Variants in MME observed in about 807,000 individuals in gnomAD.
MME encodes the protein neprilysin.
A neutral mutation model predicts 113.2 loss-of-function variants in MME; 98 were observed. The observed-to-expected ratio is 0.87, with a 90% confidence interval of 0.74 to 1.02. The LOEUF (loss-of-function observed/expected upper bound fraction) is 1.02, where lower values mean the gene tolerates loss of function less well. Among genes scored for constraint, MME ranks in the 50% least tolerant of loss-of-function variants. MME has a pLI of 0.00. For missense variants in MME, 836 were observed against 896.0 expected (o/e 0.93, Z 0.86); for synonymous variants, 292 against 300.6 (o/e 0.97, Z 0.30).
chr3:155,103,284 C>T (rs976650889), intron 3 of MME, among the ~76,000 whole-genome samples: 3 of 152,204 alleles, frequency 2.0e-5, no homozygotes, highest in East Asian at 1.9e-4. Context: ...CTTGAAGTCA[C>T]AAAACTATTG....
chr3:155,126,478 C>G (rs934697424), intron 8 of MME, among the ~76,000 whole-genome samples: 1 of 151,750 alleles, frequency 6.6e-6, no homozygotes, highest in Non-Finnish European at 1.5e-5. Context: ...TAATCTCAAA[C>G]AGGTCACAAA....
At chr3:155,034,238 G>A (rs1165449330) in intron 1 of MME, among the ~76,000 whole-genome samples, 1 of 152,138 alleles carries the variant, frequency 6.6e-6, no homozygotes. Context: ...ATTTGGGTGG[G>A]TGTGTTCTCT....
chr3:155,089,593 G>T (rs1576708963), intron 3 of MME, among the ~76,000 whole-genome samples: 4 of 152,168 alleles, frequency 2.6e-5, no homozygotes, highest in Admixed American at 2.0e-4. Flanking sequence ...GGTACCACTG[G>T]TTTAAACGGT....
chr3:155,167,785 T>G (rs567357201), intron 18 of MME, among the ~76,000 whole-genome samples: 2 of 152,286 alleles, frequency 1.3e-5, no homozygotes, highest in African/African-American at 4.8e-5. Flanking sequence ...TCTAATACTG[T>G]TTCTGTTTTC....
At chr3:155,053,920 T>G (rs1356836862) in intron 1 of MME, among the ~76,000 whole-genome samples, 1 of 152,212 alleles carries the variant, frequency 6.6e-6, no homozygotes, top group African/African-American at 2.4e-5. Context: ...CTGCCAATTT[T>G]TGCACTTGCT....
rs1159626877 is a variant in MME at position 155,042,900 on chromosome 3, T to TTATATA, written c.-11+18610_-11+18615dup. Among the ~76,000 whole-genome samples, 352 of 62,838 alleles carry TTATATA rather than the reference T, an allele frequency of 5.6e-3. 2 individuals carry two copies. Among genetic ancestry groups the TTATATA allele is most frequent in the East Asian group, 9.1e-3 (13 of 1,424 alleles). The allele number at this position is 62,838 out of a possible 152,430, so 41.2% of individuals were successfully genotyped here. ...TTAGAAAAATTACCAATAGTAGGTT[T>TTATATA]TATATATATATATATATATATATAT... On this transcript the variant is annotated intron_variant, in intron 1 of 22. Coordinates refer to the MME transcript ENST00000492661.
At chr3:155,158,014 A>G (rs1722438432) in intron 16 of MME, among the ~76,000 whole-genome samples, 1 of 152,164 alleles carries the variant, frequency 6.6e-6, no homozygotes, top group Admixed American at 6.6e-5. Flanking sequence ...AAAAGGTATG[A>G]CATTTATTTT....
chr3:155,096,890 T>A (rs1436586071), intron 3 of MME, among the ~76,000 whole-genome samples: 1 of 152,158 alleles, frequency 6.6e-6, no homozygotes, highest in South Asian at 2.1e-4. Flanking sequence ...CGTTAAGTTT[T>A]GTAATTTTCT....
chr3:155,144,169 C>T (rs1269783204), intron 13 of MME, among the ~76,000 whole-genome samples, 190 bp from the exon 14 acceptor site: 1 of 151,946 alleles, frequency 6.6e-6, no homozygotes, highest in Admixed American at 6.6e-5. Flanking sequence ...TCAAGAGTGT[C>T]GATAATAGCA....
intron 13 of MME, 82 bp downstream of exon 13, chr3:155,143,653 A>C: frequency 3.1e-5 from 47 of 1,508,584 alleles, no homozygotes; most frequent in African/African-American, 4.1e-5. Flanking sequence ...ACAGTTCTCC[A>C]TCATTTGGCT....
intron 14 of MME, 46 bp from the exon 15 acceptor site, chr3:155,147,098 G>T: frequency 8.0e-7 from 1 of 1,253,268 alleles, no homozygotes; most frequent in South Asian, 1.2e-5. Context: ...ATTTGTATCT[G>T]AAAGTTATAT....
intron 3 of MME, chr3:155,090,096 A>C: frequency 4.9e-6 from 1 of 205,078 alleles, no homozygotes; most frequent in Non-Finnish European, 1.1e-5. Context: ...AAGTGGGACC[A>C]CCTCCACCTG....
intron 15 of MME, among the ~76,000 whole-genome samples, chr3:155,147,566 C>T (rs1721613666): frequency 6.6e-6 from 1 of 152,134 alleles, no homozygotes; most frequent in African/African-American, 2.4e-5. Flanking sequence ...CTTCGAGTTT[C>T]CCTCCACCTT....
chr3:155,133,594 G>T (rs760102600), intron 8 of MME, among the ~76,000 whole-genome samples: 1 of 147,900 alleles, frequency 6.8e-6, no homozygotes, highest in African/African-American at 2.5e-5. Context: ...TCAACAAAAA[G>T]CATCCCATAT....
chr3:155,151,262 A>G (rs980517328), intron 16 of MME, among the ~76,000 whole-genome samples: 2 of 152,188 alleles, frequency 1.3e-5, no homozygotes, highest in African/African-American at 4.8e-5. Context: ...CAAAGTCTTG[A>G]AAGAGAAATA....
intron 3 of MME, among the ~76,000 whole-genome samples, chr3:155,104,090 A>G (rs573106446): frequency 3.3e-5 from 5 of 152,330 alleles, no homozygotes; most frequent in African/African-American, 1.2e-4. Flanking sequence ...CACGTGCATT[A>G]TAAAAGAAAT....
chr3:155,092,759 A>G (rs1017459113), intron 3 of MME, among the ~76,000 whole-genome samples: 8 of 152,224 alleles, frequency 5.3e-5, no homozygotes, highest in African/African-American at 1.9e-4. Flanking sequence ...CACAAACTGC[A>G]TATTGTAAAA....
intron 3 of MME, among the ~76,000 whole-genome samples, chr3:155,107,343 ACT>A (rs1258236793): frequency 2.8e-5 from 4 of 140,402 alleles, no homozygotes; most frequent in Non-Finnish European, 6.1e-5. Context: ...ACAGAATGAG[ACT>A]CTGTCTCAAA....
At chr3:155,099,706 A>G (rs1227816448) in intron 3 of MME, among the ~76,000 whole-genome samples, 1 of 152,212 alleles carries the variant, frequency 6.6e-6, no homozygotes, top group East Asian at 1.9e-4. Context: ...AGCTTCATCC[A>G]TGTCCCTACA....
Sources: gnomAD v4.1 joint callset for allele counts (sites outside exome capture counted in the v4.1 genomes callset) on GRCh38, gnomAD v4.1.1 for gene constraint, MANE v1.5 for transcripts, NCBI Gene and HGNC (gene_info 2026-07-23, HGNC 2026-07-21) for gene names.